Variants in EFCAB5 observed in about 807,000 individuals in gnomAD.
EFCAB5 encodes the protein EF-hand calcium binding domain 5.
A neutral mutation model predicts 167.9 loss-of-function variants in EFCAB5; 131 were observed. That is an observed-to-expected ratio of 0.78 (90% confidence interval 0.68 to 0.90). The LOEUF (loss-of-function observed/expected upper bound fraction) is 0.90, where lower values mean the gene tolerates loss of function less well. Among genes scored for constraint, EFCAB5 ranks in the 40% least tolerant of loss-of-function variants. EFCAB5 has a pLI of 0.00. For missense variants in EFCAB5, 1,663 were observed against 1,745.2 expected (o/e 0.95, Z 0.84); for synonymous variants, 574 against 602.8 (o/e 0.95, Z 0.70).
At chr17:29,950,863 T>C (rs892159033) in intron 3 of EFCAB5, among the ~76,000 whole-genome samples, 1 of 152,216 alleles carries the variant, frequency 6.6e-6, no homozygotes, top group Non-Finnish European at 1.5e-5. Context: ...GGTTTTTGAC[T>C]GTGCAGATAT....
Position 30,053,930 on chromosome 17 carries a change from T to G in EFCAB5, c.1976T>G (p.Ile659Arg), listed in dbSNP as rs781696558. ...TCAGAACAAGGACCTTATGGAGAGA[T>G]AATTTCAGAAGAGCAAGAAGACATA... ...QKSEQGPYGE[I>R]ISEEQEDIGS... The change falls in exon 10 of 23, where the codon ATA becomes AGA. Residue 659 changes from isoleucine (I) to arginine (R), a missense_variant. Transcript: ENST00000394835. The G allele has an allele frequency of 2.5e-5, 40 of 1,613,854 alleles. No individual in the cohort carries two copies. Among genetic ancestry groups the G allele is most frequent in the Middle Eastern group, 1.6e-4 (1 of 6,084 alleles).
chr17:30,026,178 A>T lies in EFCAB5; in HGVS notation c.1045-8052A>T, dbSNP rs369998503. Among the ~76,000 whole-genome samples, 159 of 151,920 alleles carry T rather than the reference A, an allele frequency of 1.0e-3. 1 individual carries two copies. The highest frequency in any genetic ancestry group is 1.5e-3 in the East Asian group (8 of 5,176). The stretch of plus-strand genomic sequence containing the variant: ...AAAACTTAAAGTATAATAATAATAA[A>T]AAATAAATAAATAAATAAATAAATA... On this transcript the variant is annotated intron_variant, in intron 7 of 22. Coordinates refer to ENST00000394835, the MANE Select transcript of EFCAB5 (RefSeq NM_198529.4).
chr17:29,966,504 G>A (rs1286200293), intron 3 of EFCAB5, among the ~76,000 whole-genome samples: 1 of 152,134 alleles, frequency 6.6e-6, no homozygotes, highest in Non-Finnish European at 1.5e-5. Context: ...GCTGGGCATG[G>A]TGGCATGCAC....
rs138648342 is a variant in EFCAB5 at position 29,948,993 on chromosome 17, C to T, written c.190+5344C>T. Among the ~76,000 whole-genome samples, 7 of 152,202 alleles carry T rather than the reference C, an allele frequency of 4.6e-5. No individual in the cohort carries two copies. In the South Asian group the frequency reaches 8.3e-4, roughly 18 times the overall value. On this transcript the variant is annotated intron_variant, in intron 3 of 22. Transcript: ENST00000394835. ...GAAATCCTGATAATAAGGACAAAGC[C>T]GCTGAGTTTCAAACAGGGCCTGTGT...
intron 1 of EFCAB5, chr17:29,930,071 C>T: frequency 1.7e-6 from 1 of 598,668 alleles, no homozygotes; most frequent in Non-Finnish European, 2.8e-6. Context: ...GGTGACGGAG[C>T]CGGGATGGGG....
chr17:29,929,931 G>T, intron 1 of EFCAB5: 1 of 1,595,638 alleles, frequency 6.3e-7, no homozygotes. Flanking sequence ...CGCCAGGAAG[G>T]ACTCACCGAG....
intron 3 of EFCAB5, among the ~76,000 whole-genome samples, chr17:29,951,818 A>G (rs1421290489): frequency 6.6e-6 from 1 of 152,112 alleles, no homozygotes. Flanking sequence ...CCCTCTTGGG[A>G]CCCTGAGAAG....
chr17:30,086,730 C>T (rs1597555459), intron 18 of EFCAB5, among the ~76,000 whole-genome samples: 3 of 151,966 alleles, frequency 2.0e-5, no homozygotes. Flanking sequence ...CTGTCTCTAC[C>T]AAAAATACAA....
At chr17:30,000,075 A>G in intron 7 of EFCAB5, 99 bp downstream of exon 7, 1 of 787,738 alleles carries the variant, frequency 1.3e-6, no homozygotes, top group Non-Finnish European at 2.0e-6. Context: ...ATTAAATGAA[A>G]GCACAAAACT....
chr17:30,036,140 T>G (rs1337788299), intron 8 of EFCAB5, among the ~76,000 whole-genome samples: 1 of 142,542 alleles, frequency 7.0e-6, no homozygotes, highest in Non-Finnish European at 1.5e-5. Context: ...GCACTCTATA[T>G]ATAATATATA....
intron 3 of EFCAB5, among the ~76,000 whole-genome samples, chr17:29,944,493 G>T (rs1330345300): frequency 6.6e-6 from 1 of 152,076 alleles, no homozygotes; most frequent in Non-Finnish European, 1.5e-5. Context: ...AAAGCTGACT[G>T]ACATCTAGCA....
chr17:29,999,293 A>C (rs1210656556), intron 6 of EFCAB5, among the ~76,000 whole-genome samples: 1 of 151,936 alleles, frequency 6.6e-6, no homozygotes, highest in Admixed American at 6.6e-5. Flanking sequence ...TTATAAGTAG[A>C]AAAAAGGTAC....
At chr17:29,978,200 C>T (rs2068100068) in intron 4 of EFCAB5, among the ~76,000 whole-genome samples, 1 of 152,148 alleles carries the variant, frequency 6.6e-6, no homozygotes, top group African/African-American at 2.4e-5. Flanking sequence ...TGCTTCTGCA[C>T]AGGTGATATT....
chr17:29,934,164 T>C (rs1194696132), intron 1 of EFCAB5, among the ~76,000 whole-genome samples: 1 of 152,224 alleles, frequency 6.6e-6, no homozygotes, highest in Non-Finnish European at 1.5e-5. Context: ...AGTTCTTGAA[T>C]GAGACAGTTT....
intron 1 of EFCAB5, chr17:29,930,162 C>T: frequency 1.5e-6 from 1 of 646,236 alleles, no homozygotes; most frequent in South Asian, 2.0e-5. Flanking sequence ...CACCCACCAC[C>T]AGACTGTCGC....
At chr17:30,010,014 T>C (rs2068861122) in intron 7 of EFCAB5, among the ~76,000 whole-genome samples, 2 of 152,144 alleles carry the variant, frequency 1.3e-5, no homozygotes, top group Admixed American at 1.3e-4. Context: ...TGTCCAAGTG[T>C]TCTCATTGTT....
intron 14 of EFCAB5, chr17:30,068,956 G>A (rs1567756270): frequency 5.3e-6 from 8 of 1,522,178 alleles, no homozygotes; most frequent in Admixed American, 5.0e-5. Context: ...CTGTTCAGAA[G>A]CAATTCAACA....
chr17:30,087,082 G>T lies in EFCAB5; in HGVS notation c.3599G>T (p.Arg1200Leu). Residue 1200 changes from arginine to leucine, a missense_variant, in exon 19 of 23, where the codon CGC (arginine) becomes CTC (leucine). By Grantham distance (102) the Arg-to-Leu change is moderately radical. Transcript: ENST00000394835. ...SPAQDSDYVL[R>L]NMMVTGQLGL... ...TTCAAGGATTCAGACTATGTTTTAC[G>T]CAACATGATGGTTACAGGGCAGCTG... 2 of 1,612,950 alleles carry T rather than the reference G, an allele frequency of 1.2e-6. No homozygotes were observed. Among genetic ancestry groups the T allele is most frequent in the Non-Finnish European group, 1.7e-6 (2 of 1,179,412 alleles).
intron 19 of EFCAB5, among the ~76,000 whole-genome samples, chr17:30,088,618 ACT>A (rs1456328400): frequency 6.6e-6 from 1 of 152,156 alleles, no homozygotes; most frequent in Admixed American, 6.5e-5. Flanking sequence ...ACTTAGAATG[ACT>A]CTCACTTGTC....
Sources: allele counts gnomAD v4.1 joint callset (sites outside exome capture counted in the v4.1 genomes callset), GRCh38; gene constraint gnomAD v4.1.1; transcripts MANE v1.5; gene names NCBI Gene and HGNC (gene_info 2026-07-23, HGNC 2026-07-21).